BTG4: variants seen among roughly 807,000 people sequenced by gnomAD.
The protein encoded by BTG4 is protein BTG4.
Under a neutral mutation model 19.3 loss-of-function variants are expected in BTG4, and 10 were observed. The ratio of observed to expected loss-of-function variants is 0.52; its 90% CI spans 0.32 to 0.88. The LOEUF (loss-of-function observed/expected upper bound fraction) is 0.88, where lower values mean the gene tolerates loss of function less well. Ranked by LOEUF, BTG4 falls within the 40% of genes least tolerant of loss-of-function variation. The probability of loss-of-function intolerance (pLI) is 0.04; values close to 1 mark genes in which losing one functional copy is unlikely to be tolerated. For missense variants in BTG4, 238 were observed against 281.9 expected (o/e 0.84, Z 1.11); for synonymous variants, 91 against 95.7 (o/e 0.95, Z 0.29).
the BTG4 span, among the ~76,000 whole-genome samples, chr11:111,398,741 G>C: frequency 6.6e-6 from 1 of 152,004 alleles, no homozygotes; most frequent in East Asian, 1.9e-4. Flanking sequence ...AGGAATGGCT[G>C]TCAGGCCTGG....
intron 3 of BTG4, 35 bp downstream of exon 3, chr11:111,497,963 G>C: frequency 6.2e-7 from 1 of 1,601,888 alleles, no homozygotes; most frequent in Non-Finnish European, 8.5e-7. Flanking sequence ...AGGTTTCCAG[G>C]TATCACACAG....
chr11:111,497,120 T>A (rs768864484), intron 4 of BTG4, 91 bp downstream of exon 4: 16 of 1,293,602 alleles, frequency 1.2e-5, no homozygotes, highest in Non-Finnish European at 1.7e-5. Context: ...GTTCTTTCCA[T>A]GTTTTTTTGC....
chr11:111,441,543 C>G, the BTG4 span, among the ~76,000 whole-genome samples: 38 of 152,316 alleles, frequency 2.5e-4, no homozygotes, highest in African/African-American at 5.3e-4. Context: ...AGATGCCTTA[C>G]GGATTGACTT....
chr11:111,439,337 C>T, the BTG4 span, among the ~76,000 whole-genome samples: 48 of 152,316 alleles, frequency 3.2e-4, no homozygotes, highest in South Asian at 2.1e-4. Flanking sequence ...TTGTGGTTTA[C>T]GGGCCAGACC....
intron 1 of BTG4, among the ~76,000 whole-genome samples, chr11:111,511,368 T>C (rs1866896798): frequency 6.6e-6 from 1 of 152,262 alleles, no homozygotes; most frequent in African/African-American, 2.4e-5. Context: ...GTTGTTTTAA[T>C]AGTGTGAGTT....
At chr11:111,447,019 T>C in the BTG4 span, among the ~76,000 whole-genome samples, 1 of 152,354 alleles carries the variant, frequency 6.6e-6, no homozygotes, top group African/African-American at 2.4e-5. Context: ...AATTACTGCG[T>C]GGCTGTCCCC....
intron 5 of BTG4, among the ~76,000 whole-genome samples, chr11:111,483,492 G>A (rs1864867817): frequency 6.6e-6 from 1 of 152,072 alleles, no homozygotes; most frequent in African/African-American, 2.4e-5. Flanking sequence ...AGATAACAGA[G>A]AAGGAATTGA....
the BTG4 span, among the ~76,000 whole-genome samples, chr11:111,444,202 T>TAG: frequency 4.5e-5 from 3 of 66,180 alleles, no homozygotes; most frequent in African/African-American, 1.8e-4. Flanking sequence ...TGTGTGTGTG[T>TAG]GTGTGTGTAG....
the BTG4 span, among the ~76,000 whole-genome samples, chr11:111,390,184 G>A: frequency 2.0e-5 from 3 of 152,168 alleles, no homozygotes; most frequent in Admixed American, 1.3e-4. Flanking sequence ...ACACACACAA[G>A]AAAGTTAAGT....
intron 3 of BTG4, 63 bp from the exon 4 acceptor site, chr11:111,497,472 T>C: frequency 9.0e-7 from 1 of 1,112,306 alleles, no homozygotes. Flanking sequence ...ATCTCCAATC[T>C]TTCCTGGAGA....
At chr11:111,414,114 G>A in the BTG4 span, 5 of 152,348 alleles carry the variant, frequency 3.3e-5, no homozygotes, top group Admixed American at 6.5e-5. Flanking sequence ...TCATGTGTGT[G>A]ATTTGAGCAC....
At chr11:111,439,049 G>C in the BTG4 span, among the ~76,000 whole-genome samples, 2 of 152,296 alleles carry the variant, frequency 1.3e-5, no homozygotes, top group East Asian at 3.9e-4. Flanking sequence ...CCCCTGTCCC[G>C]CACACCCACC....
downstream of BTG4, among the ~76,000 whole-genome samples, chr11:111,493,960 C>A (rs1352548444): frequency 1.3e-5 from 2 of 152,150 alleles, no homozygotes; most frequent in Non-Finnish European, 2.9e-5. Context: ...CTTTTTGTAT[C>A]CACTCAGAGC....
At chr11:111,437,998 C>T in the BTG4 span, among the ~76,000 whole-genome samples, 5 of 152,198 alleles carry the variant, frequency 3.3e-5, no homozygotes, top group African/African-American at 1.2e-4. Context: ...AGCTATGACT[C>T]TGACTATACT....
At chr11:111,386,243 A>G in the BTG4 span, 2 of 152,260 alleles carry the variant, frequency 1.3e-5, no homozygotes, top group Non-Finnish European at 2.9e-5. Flanking sequence ...AAAATAAAAC[A>G]TATAACTTAC....
At chr11:111,457,594 A>C in the BTG4 span, among the ~76,000 whole-genome samples, 1 of 147,624 alleles carries the variant, frequency 6.8e-6, no homozygotes, top group Non-Finnish European at 1.5e-5. Context: ...CCCCATCTCT[A>C]CTCCAGTGCC....
At chr11:111,442,087 T>C in the BTG4 span, among the ~76,000 whole-genome samples, 1 of 151,184 alleles carries the variant, frequency 6.6e-6, no homozygotes, top group Non-Finnish European at 1.5e-5. Flanking sequence ...GAAAAGTGAG[T>C]TGAACATAAG....
chr11:111,414,848 G>A, the BTG4 span: 2 of 152,408 alleles, frequency 1.3e-5, no homozygotes, highest in South Asian at 4.1e-4. Flanking sequence ...CTCCTAGAAG[G>A]AAACTTGAAG....
At chr11:111,485,293 G>A (rs926105585) in intron 5 of BTG4, among the ~76,000 whole-genome samples, 1 of 152,140 alleles carries the variant, frequency 6.6e-6, no homozygotes, top group African/African-American at 2.4e-5. Context: ...TCCAACTGCT[G>A]CAGAATACCC....
Sources: gnomAD v4.1 joint callset for allele counts (sites outside exome capture counted in the v4.1 genomes callset) on GRCh38, gnomAD v4.1.1 for gene constraint, MANE v1.5 for transcripts, NCBI Gene and HGNC (gene_info 2026-07-23, HGNC 2026-07-21) for gene names.